MAP4K1: variants seen among roughly 807,000 people sequenced by gnomAD.
The protein encoded by MAP4K1 is mitogen-activated protein kinase kinase kinase kinase 1.
MAP4K1 carries 35 observed loss-of-function variants against 122.8 expected under a neutral mutation model. That is an observed-to-expected ratio of 0.29 (90% CI 0.22 to 0.38). The LOEUF is 0.38. Among genes scored for constraint, MAP4K1 ranks in the 10% least tolerant of loss-of-function variants. MAP4K1 has a pLI of 1.00. For synonymous variants in MAP4K1, 412 were observed against 421.3 expected, an observed-to-expected ratio of 0.98 and a Z score of 0.27; for missense variants, 791 against 1,072.6, an observed-to-expected ratio of 0.74 and a Z score of 3.67.
intron 30 of MAP4K1, among the ~76,000 whole-genome samples, chr19:38,590,695 C>T (rs1974702869): frequency 6.6e-6 from 1 of 151,562 alleles, no homozygotes; most frequent in South Asian, 2.1e-4. Flanking sequence ...GGCCCATCTC[C>T]AACTCCTGAC....
In MAP4K1 at chr19:38,612,190, T is replaced by C. The variant is rs147974009; in HGVS notation, c.665+421A>G. Among the ~76,000 whole-genome samples the C allele has an allele frequency of 8.9e-3, 1,357 of 151,786 alleles. 9 individuals carry two copies. The highest frequency in any genetic ancestry group is 0.013 in the Non-Finnish European group (901 of 67,940). On this transcript the variant is annotated intron_variant, in intron 9 of 30. Coordinates refer to ENST00000396857, the MANE Select transcript of MAP4K1 (RefSeq NM_001042600.3). ...ATCCCAGCACCTCCGGAAGCCAAGATGGGCAGATAACCTGAGGTCAGGAGT... is the reference window on the plus strand; with the variant it reads ...ATCCCAGCACCTCCGGAAGCCAAGACGGGCAGATAACCTGAGGTCAGGAGT...
At chr19:38,605,867 C>T in intron 17 of MAP4K1, 137 bp from the exon 18 acceptor site, 1 of 796,160 alleles carries the variant, frequency 1.3e-6, no homozygotes, top group East Asian at 2.8e-5. Context: ...CATCTTGTGC[C>T]CCCTCCAGCC....
intron 25 of MAP4K1, 148 bp downstream of exon 25, chr19:38,596,886 G>T: frequency 1.4e-6 from 1 of 728,296 alleles, no homozygotes; most frequent in Non-Finnish European, 2.3e-6. Context: ...GGCTCCAAGC[G>T]CAGACCGCAG....
Position 38,597,417 on chromosome 19 carries a change from A to T in MAP4K1, c.1779-33T>A. On this transcript the variant is annotated intron_variant, in intron 23 of 30. Coordinates refer to ENST00000396857, the MANE Select transcript of MAP4K1 (RefSeq NM_001042600.3). This position sits in a 1 kb window ranked among gnomAD's most constrained non-coding sequence, Gnocchi z 4.6. ...ATAGGTAGGTGTGAAGGGGGGTAGG[A>T]CAGCAGGAGGCAGAGGGGCATGGGA... 6.2e-7 allele frequency: 1 copy of T among 1,613,580 alleles called. No homozygotes were observed. Among genetic ancestry groups the T allele is most frequent in the East Asian group, 2.2e-5 (1 of 44,878 alleles).
chr19:38,602,913 T>C (rs552780259), intron 19 of MAP4K1, among the ~76,000 whole-genome samples: 2 of 148,896 alleles, frequency 1.3e-5, no homozygotes, highest in Non-Finnish European at 3.0e-5. Flanking sequence ...TACACACATG[T>C]ACACATATAC....
chr19:38,597,590 C>T lies in MAP4K1; in HGVS notation c.1674G>A (p.Lys558=). The change falls in exon 23 of 31, where the codon AAG becomes AAA. Residue 558 remains lysine (K), a synonymous_variant. Transcript: ENST00000396857. This position sits in a 1 kb window ranked among gnomAD's most constrained non-coding sequence, Gnocchi z 4.6. ...INNVLMSLSG[K]TPHLYSHSIL... is the part of the protein sequence containing the mutation. The stretch of plus-strand genomic sequence containing the variant: ...TGCTATGAGAATACAGGTGGGGGGT[C>T]TTTCCTGCAGGGTGTGTGTATGTAG... 1 of 1,609,296 alleles carries T rather than the reference C, an allele frequency of 6.2e-7. No homozygotes were observed. The highest frequency in any genetic ancestry group is 8.5e-7 in the Non-Finnish European group (1 of 1,177,612).
At chr19:38,588,013 G>A (rs1479213304) in intron 30 of MAP4K1, among the ~76,000 whole-genome samples, 196 bp from the exon 31 acceptor site, 1 of 152,166 alleles carries the variant, frequency 6.6e-6, no homozygotes, top group Non-Finnish European at 1.5e-5. Flanking sequence ...TTACATGAGT[G>A]CAAAAAAGCA....
At chr19:38,602,854 A>ATACATATATACACATG (rs1489291985) in intron 19 of MAP4K1, among the ~76,000 whole-genome samples, 1 of 147,820 alleles carries the variant, frequency 6.8e-6, no homozygotes, top group Non-Finnish European at 1.5e-5. Flanking sequence ...ATATACACAT[A>ATACATATATACACATG]TACATATATA....
chr19:38,600,229 A>G, intron 20 of MAP4K1, 76 bp from the exon 21 acceptor site: 1 of 1,158,922 alleles, frequency 8.6e-7, no homozygotes, highest in Non-Finnish European at 1.3e-6. Flanking sequence ...TCTGACCTCA[A>G]ACACTGACAC....
rs985745865 is a variant in MAP4K1, at chr19:38,610,118, C to G, written c.811-93G>C. The G allele has an allele frequency of 4.5e-6, 4 of 887,568 alleles. No individual in the cohort carries two copies. The African/African-American group carries it at 6.7e-5, about 15-fold the overall frequency. The allele number at this position is 887,568 out of a possible 1,614,324, so 55.0% of individuals were successfully genotyped here. On this transcript the variant is annotated intron_variant, in intron 11 of 30. Transcript: ENST00000396857. ...GAGGACTGGTACAGGGCCTTGGGGACTGGACTAAAGGAATCTAGCTGGGGA... is the reference window on the plus strand; with the variant it reads ...GAGGACTGGTACAGGGCCTTGGGGAGTGGACTAAAGGAATCTAGCTGGGGA...
chr19:38,590,474 TG>T (rs1974697017), intron 30 of MAP4K1, among the ~76,000 whole-genome samples: 1 of 140,830 alleles, frequency 7.1e-6, no homozygotes, highest in Non-Finnish European at 1.5e-5. Context: ...TGAAATTTTT[TG>T]TTGTTGTTGT....
At position 38,597,629 on chromosome 19, in the gene MAP4K1, G is replaced by T; in HGVS notation, c.1670-35C>A. The T allele has an allele frequency of 6.9e-7, 1 of 1,447,822 alleles. No individual in the cohort carries two copies. Among genetic ancestry groups the T allele is most frequent in the Non-Finnish European group, 9.6e-7 (1 of 1,046,544 alleles). 89.7% of individuals were successfully genotyped at this position (1,447,822 alleles called of 1,614,324 possible). The stretch of plus-strand genomic sequence containing the variant: ...GTGTGTATGTAGGGGGAAGCAGGAA[G>T]TTATAGGATCCCATATACCACTTCC... On this transcript the variant is annotated intron_variant, in intron 22 of 30. Transcript: ENST00000396857. The surrounding 1 kb of genome is among the most constrained non-coding windows in gnomAD (Gnocchi z 4.6).
chr19:38,617,932 A>C lies in MAP4K1; in HGVS notation c.-37T>G, dbSNP rs1568646132. On this transcript the variant is annotated 5_prime_UTR_variant, in exon 1 of 31. Coordinates refer to ENST00000396857, the MANE Select transcript of MAP4K1 (RefSeq NM_001042600.3). The surrounding 1 kb of genome is among the most constrained non-coding windows in gnomAD (Gnocchi z 4.1). ...TGAGCTGGGCCTGCGCCCAGGGGCC[A>C]GCAGGGCCTCAGGGCTCAACTTCTG... is the stretch of plus-strand genomic sequence containing the variant. 1.3e-6 allele frequency: 2 copies of C among 1,572,514 alleles called. No individual in the cohort carries two copies. Among genetic ancestry groups the C allele is most frequent in the Non-Finnish European group, 1.8e-6 (2 of 1,142,402 alleles).
intron 30 of MAP4K1, among the ~76,000 whole-genome samples, chr19:38,588,153 G>A (rs1014494137): frequency 6.6e-6 from 1 of 152,174 alleles, no homozygotes. Context: ...TGGCTGGGGA[G>A]AACAGCCTGT....
chr19:38,602,933 T>C (rs897733194), intron 19 of MAP4K1, among the ~76,000 whole-genome samples: 1 of 147,186 alleles, frequency 6.8e-6, no homozygotes, highest in Non-Finnish European at 1.5e-5. Flanking sequence ...CGCATATACA[T>C]ATATACACAT....
At chr19:38,603,316 A>G (rs573416750) in intron 19 of MAP4K1, among the ~76,000 whole-genome samples, 109 of 151,372 alleles carry the variant, frequency 7.2e-4, no homozygotes, top group African/African-American at 2.6e-3. Context: ...ACATATATAC[A>G]CATGTACATA....
intron 26 of MAP4K1, 65 bp from the exon 27 acceptor site, chr19:38,596,066 G>T: frequency 6.7e-7 from 1 of 1,502,506 alleles, no homozygotes; most frequent in Non-Finnish European, 9.2e-7. Flanking sequence ...ACCACCCCCA[G>T]AAGGCCAGTA....
rs370713619 is a variant in MAP4K1, at chr19:38,609,951, C to T, written c.885G>A (p.Gly295=). The part of the protein sequence containing the change: ...LDLLDKLKNP[G]KGPSIGDIED... ...CAATGTCCCCAATGGAGGGTCCTTT[C>T]CCGGGATTCTTCAGTTTGTCAAGAA... Residue 295 remains glycine (G), a synonymous_variant, in exon 12 of 31, where the codon GGG becomes GGA. Transcript: ENST00000396857. 1 of 1,614,196 alleles carries T rather than the reference C, an allele frequency of 6.2e-7. No homozygotes were observed. The highest frequency in any genetic ancestry group is 1.3e-5 in the African/African-American group (1 of 75,062).
rs766205724 is a variant in MAP4K1, at chr19:38,617,476, C to G, written c.158-32G>C. 2.4e-5 allele frequency: 38 copies of G among 1,600,206 alleles called. No individual in the cohort carries two copies. The highest frequency in any genetic ancestry group is 3.2e-5 in the Non-Finnish European group (37 of 1,167,612). ...GGAGGGCGGGAGAGAAAAGGCAGCTCGCATGGGGAGAGAGCTACAGGGGAG... is the reference window on the plus strand; with the variant it reads ...GGAGGGCGGGAGAGAAAAGGCAGCTGGCATGGGGAGAGAGCTACAGGGGAG... On this transcript the variant is annotated intron_variant, in intron 2 of 30. Transcript: ENST00000396857. This position sits in a 1 kb window ranked among gnomAD's most constrained non-coding sequence, Gnocchi z 4.1.
Sources: allele counts gnomAD v4.1 joint callset (sites outside exome capture counted in the v4.1 genomes callset), GRCh38; gene constraint gnomAD v4.1.1; non-coding constraint Gnocchi (gnomAD v3.1); transcripts MANE v1.5; gene names NCBI Gene and HGNC (gene_info 2026-07-23, HGNC 2026-07-21).